EFEMP2: variants seen among roughly 807,000 people sequenced by gnomAD.
EFEMP2 encodes the protein EGF-like fibulin extracellular matrix protein 2.
Under a neutral mutation model 55.3 loss-of-function variants are expected in EFEMP2, and 21 were observed. The observed-to-expected ratio is 0.38, with a 90% CI of 0.27 to 0.55. The LOEUF is 0.55. Among genes scored for constraint, EFEMP2 ranks in the 20% least tolerant of loss-of-function variants. EFEMP2 has a pLI of 0.77. For missense variants in EFEMP2, 513 were observed against 615.1 expected (o/e 0.83, Z 1.76); for synonymous variants, 275 against 242.3 (o/e 1.14, Z -1.25).
intron 10 of EFEMP2, 33 bp from the exon 11 acceptor site, chr11:65,867,112 T>G: frequency 6.2e-7 from 1 of 1,612,498 alleles, no homozygotes; most frequent in Non-Finnish European, 8.5e-7. Flanking sequence ...ACATATATAT[T>G]GTGTCAGCCT....
intron 5 of EFEMP2, 119 bp downstream of exon 5, chr11:65,870,417 G>T (rs1018063204): frequency 1.3e-6 from 2 of 1,511,278 alleles, no homozygotes; most frequent in Admixed American, 1.8e-5. Flanking sequence ...GTCTGATGAC[G>T]GAGGGTGAGG....
chr11:65,871,533 A>G (rs1017758161), intron 3 of EFEMP2, 170 bp from the exon 4 acceptor site: 1 of 667,422 alleles, frequency 1.5e-6, no homozygotes, highest in Non-Finnish European at 2.6e-6. Context: ...AGGGTTGGCC[A>G]AGGCTGGAGA....
In EFEMP2 at chr11:65,868,277, G is replaced by T; in HGVS notation, c.974+18C>A. 2 of 1,613,358 alleles carry T rather than the reference G, an allele frequency of 1.2e-6. No individual in the cohort carries two copies. The highest frequency in any genetic ancestry group is 2.2e-5 in the South Asian group (2 of 91,012). Reference sequence around the variant, plus strand: ...GGAGACGTAGTTTCTGTGGGGGCCTGGCATCGAATTGACTCACTTCTCAGA... The same window carrying T: ...GGAGACGTAGTTTCTGTGGGGGCCTTGCATCGAATTGACTCACTTCTCAGA... On this transcript the variant is annotated intron_variant, in intron 9 of 10. Coordinates refer to ENST00000307998, the MANE Select transcript of EFEMP2 (RefSeq NM_016938.5).
chr11:65,867,743 C>G, intron 10 of EFEMP2, 118 bp downstream of exon 10: 1 of 1,149,440 alleles, frequency 8.7e-7, no homozygotes, highest in Middle Eastern at 2.3e-4. Flanking sequence ...ACCCCGCCTC[C>G]GGGGGCGGGG....
chr11:65,866,908 C>T lies in EFEMP2; in HGVS notation c.*10G>A. On this transcript the variant is annotated 3_prime_UTR_variant, in exon 11 of 11. Coordinates refer to ENST00000307998, the MANE Select transcript of EFEMP2 (RefSeq NM_016938.5). Reference sequence around the variant, plus strand: ...GGGTAGCTGCAGGGAGGGTGGCTCCCTCCTGCTCCTCAGAAGGTGTAGGCC... The same window carrying T: ...GGGTAGCTGCAGGGAGGGTGGCTCCTTCCTGCTCCTCAGAAGGTGTAGGCC... 2 of 1,614,122 alleles carry T rather than the reference C, an allele frequency of 1.2e-6. No individual in the cohort carries two copies. The highest frequency in any genetic ancestry group is 1.1e-5 in the South Asian group (1 of 91,084).
intron 6 of EFEMP2, 24 bp from the exon 7 acceptor site, chr11:65,870,000 A>T (rs757317416): frequency 6.2e-7 from 1 of 1,613,506 alleles, no homozygotes; most frequent in South Asian, 1.1e-5. Flanking sequence ...GAAAAACAGG[A>T]GGGATGAAAG....
intron 10 of EFEMP2, 44 bp from the exon 11 acceptor site, chr11:65,867,123 G>A (rs1354173021): frequency 6.2e-7 from 1 of 1,610,928 alleles, no homozygotes; most frequent in Non-Finnish European, 8.5e-7. Context: ...GTGTCAGCCT[G>A]TGTGCTAGGC....
rs1591066103 is a variant in EFEMP2, at chr11:65,868,589, G to A, written c.768C>T (p.Tyr256=). The stretch of plus-strand genomic sequence containing the variant: ...AACGGCCTGGCTCGTTGATGCAGCG[G>A]TACTGACAGAGGTAGCTGGAGTAGC... ...ECSYSSYLCQ[Y]RCINEPGRFS... is the part of the protein sequence containing the mutation. The change falls in exon 8 of 11, where the codon TAC becomes TAT. Residue 256 remains tyrosine, a synonymous_variant. Coordinates refer to ENST00000307998, the MANE Select transcript of EFEMP2 (RefSeq NM_016938.5). 3.7e-6 allele frequency: 6 copies of A among 1,613,838 alleles called. No homozygotes were observed. The highest frequency in any genetic ancestry group is 5.1e-6 in the Non-Finnish European group (6 of 1,180,038).
At chr11:65,870,898 G>C in intron 4 of EFEMP2, 1 of 712,068 alleles carries the variant, frequency 1.4e-6, no homozygotes, top group Non-Finnish European at 2.4e-6. Context: ...TCCAAGGCCT[G>C]TGGCTCCCAG....
chr11:65,867,332 G>A (rs1219397734), intron 10 of EFEMP2: 1 of 566,000 alleles, frequency 1.8e-6, no homozygotes, highest in African/African-American at 1.9e-5. Context: ...CAGGCTAACT[G>A]ACGATTCAAG....
chr11:65,871,450 G>A (rs770643409), intron 3 of EFEMP2, 87 bp from the exon 4 acceptor site: 1 of 1,255,128 alleles, frequency 8.0e-7, no homozygotes, highest in Non-Finnish European at 1.2e-6. Flanking sequence ...GGCCTTCTCT[G>A]AGATGTGTGG....
At position 65,867,877 on chromosome 11, in the gene EFEMP2, C is replaced by T. The variant is rs1209004737; in HGVS notation, c.1154G>A (p.Gly385Glu). Reference protein sequence around the residue: ...AFQIRAGNSQGDFYIRQINNV... With the variant: ...AFQIRAGNSQEDFYIRQINNV... ...AAACCTTACCCTAATGTAAAAGTCC[C>T]CCTGCGAGTTTCCAGCACGGATCTG... Residue 385 changes from glycine (G) to glutamate (E), a missense_variant, in exon 10 of 11, where the codon GGG (glycine) becomes GAG (glutamate). Coordinates refer to ENST00000307998, the MANE Select transcript of EFEMP2 (RefSeq NM_016938.5). 1 of 1,613,996 alleles carries T rather than the reference C, an allele frequency of 6.2e-7. No homozygotes were observed. Among genetic ancestry groups the T allele is most frequent in the Non-Finnish European group, 8.5e-7 (1 of 1,180,040 alleles).
In EFEMP2 at chr11:65,868,361, A is replaced by G; in HGVS notation, c.908T>C (p.Phe303Ser). The change falls in exon 9 of 11, where the codon TTC (phenylalanine) becomes TCC (serine). Residue 303 changes from phenylalanine (F) to serine (S), a missense_variant. Physicochemically the swap from Phe to Ser is radical, Grantham distance 155. Transcript: ENST00000307998. ...QCSEAQTCVN[F>S]HGGYRCVDTN... ...GTCCACGCAGCGGTAGCCCCCATGG[A>G]AGTTGACACAGGTTTGGGCCTCGGA... The G allele has an allele frequency of 1.2e-6, 2 of 1,613,914 alleles. No homozygotes were observed. The highest frequency in any genetic ancestry group is 1.6e-4 in the Middle Eastern group (1 of 6,062).
intron 10 of EFEMP2, chr11:65,867,562 C>A: frequency 2.1e-6 from 1 of 486,074 alleles, no homozygotes; most frequent in East Asian, 3.9e-5. Context: ...AAGGAGTGGA[C>A]TTTCTGACCC....
chr11:65,869,851 T>G lies in EFEMP2; in HGVS notation c.727+6A>C. ...GAGGAGTACACAGCAGGGATGGAGC[T>G]CTCACCACTGCAGGAGAAGCCATCC... On this transcript the variant is annotated splice_donor_region_variant and intron_variant, in intron 7 of 10. Coordinates refer to ENST00000307998, the MANE Select transcript of EFEMP2 (RefSeq NM_016938.5). The G allele has an allele frequency of 6.2e-7, 1 of 1,613,714 alleles. No homozygotes were observed. The highest frequency in any genetic ancestry group is 2.2e-5 in the East Asian group (1 of 44,866).
Position 65,870,259 on chromosome 11 carries a change from G to GGAGGGCGGAGGGCA in EFEMP2, c.491-36_491-23dup, listed in dbSNP as rs780195096. The GGAGGGCGGAGGGCA allele has an allele frequency of 5.0e-6, 8 of 1,598,508 alleles. No individual in the cohort carries two copies. The East Asian group carries it at 2.1e-4, about 42-fold the overall frequency. On this transcript the variant is annotated intron_variant, in intron 5 of 10. Coordinates refer to ENST00000307998, the MANE Select transcript of EFEMP2 (RefSeq NM_016938.5). Reference sequence around the variant, plus strand: ...ATGTCTAGGGATAGAGGCAGGAGAAGGAGGGCGGAGGGCAGAGGGCAGAGG... The same window carrying GGAGGGCGGAGGGCA: ...ATGTCTAGGGATAGAGGCAGGAGAAGGAGGGCGGAGGGCAGAGGGCGGAGGGCAGAGGGCAGAGG...
rs1859981965 is a variant in EFEMP2 at position 65,872,424 on chromosome 11, G to A, written c.-7-63C>T. On this transcript the variant is annotated intron_variant, in intron 1 of 10. Transcript: ENST00000307998. The stretch of plus-strand genomic sequence containing the variant: ...GCGGCACCTCAACTCCCTGTACCGG[G>A]AGCCCGAGCCCAGCCCCCGCCACTG... 3.3e-6 allele frequency: 4 copies of A among 1,202,524 alleles called. No homozygotes were observed. The South Asian group carries it at 3.9e-5, about 12-fold the overall frequency. 74.5% of individuals were successfully genotyped at this position (1,202,524 alleles called of 1,614,324 possible). A position where few individuals can be genotyped will look rare whatever the true frequency, so the allele number is the denominator to read the frequency against.
chr11:65,870,662 C>CGA lies in EFEMP2; in HGVS notation c.368-6_368-5dup. 6.2e-7 allele frequency: 1 copy of CGA among 1,613,960 alleles called. No individual in the cohort carries two copies. The highest frequency in any genetic ancestry group is 8.5e-7 in the Non-Finnish European group (1 of 1,180,004). On this transcript the variant is annotated splice_region_variant and splice_polypyrimidine_tract_variant and intron_variant, in intron 4 of 10. Coordinates refer to ENST00000307998, the MANE Select transcript of EFEMP2 (RefSeq NM_016938.5). The stretch of plus-strand genomic sequence containing the variant: ...GCCTGGGCACACTCGTCCACATCTG[C>CGA]GAGAGACACCACTCAGCCCCTGCCT...
intron 7 of EFEMP2, 142 bp downstream of exon 7, chr11:65,869,715 C>T (rs1445651010): frequency 1.1e-5 from 14 of 1,301,378 alleles, no homozygotes; most frequent in African/African-American, 5.8e-5. Context: ...CACAGCCAGC[C>T]GGGGTCGAGT....
Sources: gnomAD v4.1 joint callset for allele counts on GRCh38, gnomAD v4.1.1 for gene constraint, MANE v1.5 for transcripts, NCBI Gene and HGNC (gene_info 2026-07-23, HGNC 2026-07-21) for gene names.